The following MAGEB6B variants were observed in gnomAD, a reference collection of about 807,000 sequenced individuals.
MAGEB6B encodes melanoma-associated antigen B6B.
For synonymous variants in MAGEB6B, 107 were observed against 102.3 expected, an observed-to-expected ratio of 1.05 and a Z score of -0.27; for missense variants, 277 against 251.5, an observed-to-expected ratio of 1.10 and a Z score of -0.69.
exon 1 of MAGEB6B, chrX:26,160,768 T>C (rs1424101451): frequency 5.1e-6 from 3 of 588,865 alleles, no homozygotes; most frequent in Non-Finnish European, 9.2e-6. Flanking sequence ...GTAGGTCTTC[T>C]GGTTCCTCCG....
chrX:26,160,628 C>T (rs763403418), exon 1 of MAGEB6B: 6 of 569,199 alleles, frequency 1.1e-5, no homozygotes, highest in South Asian at 2.2e-5. Context: ...GAGTAAGCTC[C>T]GTGCCCGTGG....
At chrX:26,162,208 A>G (rs1330733515), downstream of MAGEB6B, among the ~76,000 whole-genome samples, 1 of 112,118 alleles carries the variant, frequency 8.9e-6, no homozygotes, top group African/African-American at 3.2e-5. Context: ...TATTTTCTTT[A>G]TAATTCAGAA....
chrX:26,161,167 C>G (rs1314068601), exon 1 of MAGEB6B: 1 of 772,576 alleles, frequency 1.3e-6, no homozygotes, highest in Non-Finnish European at 2.0e-6. Context: ...TCTTTACAAC[C>G]ACAGACGGAG....
At chrX:26,162,319 A>G (rs188712181), downstream of MAGEB6B, among the ~76,000 whole-genome samples, 461 of 112,393 alleles carry the variant, frequency 4.1e-3, 2 homozygotes, top group African/African-American at 0.015. Flanking sequence ...AAAAGGAAAA[A>G]CAGAAATGTA....
exon 1 of MAGEB6B, chrX:26,160,975 T>A (rs1295905681): frequency 1.2e-5 from 8 of 688,521 alleles, no homozygotes; most frequent in Non-Finnish European, 1.4e-5. Flanking sequence ...CAAAATCTGA[T>A]GAGGCTGCCA....
In MAGEB6B at chrX:26,161,482, G is replaced by C. The variant is rs1319528637; in HGVS notation, c.882G>C (p.Leu294Phe). ...GTCTCCTGATGTCGATCCTGGGTTT[G>C]ATCTTCATGAGAGGCAACCGTGCCA... The change falls in exon 1 of 1, where the codon TTG becomes TTC. Residue 294 changes from leucine to phenylalanine, a missense_variant. Leu to Phe is a conservative substitution (Grantham distance 22). Coordinates refer to ENST00000416929, the Ensembl canonical transcript of MAGEB6B. 13 of 1,189,937 alleles carry C rather than the reference G, an allele frequency of 1.1e-5. No individual in the cohort carries two copies. The East Asian group carries it at 1.5e-4, about 14-fold the overall frequency.
chrX:26,160,690 C>A (rs1318623715), exon 1 of MAGEB6B: 1 of 572,461 alleles, frequency 1.7e-6, no homozygotes, highest in Non-Finnish European at 3.2e-6. Context: ...GTCCCCAGGC[C>A]ACTGCAGAGA....
chrX:26,160,758 G>A (rs371284030), exon 1 of MAGEB6B: 26 of 580,508 alleles, frequency 4.5e-5, no homozygotes, highest in African/African-American at 3.6e-4. Context: ...GGTGCTCGTC[G>A]TAGGTCTTCT....
downstream of MAGEB6B, chrX:26,161,846 T>A (rs1227307484): frequency 1.7e-6 from 2 of 1,184,666 alleles, no homozygotes; most frequent in Non-Finnish European, 1.1e-6. Context: ...CACTGTTCCC[T>A]TGGCCAGGGC....
At chrX:26,161,136 G>T (rs752721948) in exon 1 of MAGEB6B, 1 of 889,282 alleles carries the variant, frequency 1.1e-6, no homozygotes, top group African/African-American at 2.0e-5. Context: ...GAAAGTTTAA[G>T]CTCCTCCAAG....
At chrX:26,160,935 T>C (rs1928679918) in exon 1 of MAGEB6B, 1 of 608,553 alleles carries the variant, frequency 1.6e-6, no homozygotes. Context: ...GCTTCACCCA[T>C]TGGCCCTCCT....
chrX:26,161,593 C>G (rs1928691555), exon 1 of MAGEB6B: 1 of 1,208,908 alleles, frequency 8.3e-7, no homozygotes, highest in South Asian at 1.8e-5. Context: ...CTCGGAAGAT[C>G]ATTACTGAAG....
At chrX:26,160,925 G>C (rs746402113) in exon 1 of MAGEB6B, 1 of 614,427 alleles carries the variant, frequency 1.6e-6, no homozygotes, top group Admixed American at 2.2e-5. Context: ...GTCTCAGGGA[G>C]CTTCACCCAT....
chrX:26,162,368 T>C (rs1928702851), downstream of MAGEB6B, among the ~76,000 whole-genome samples: 2 of 112,237 alleles, frequency 1.8e-5, no homozygotes, highest in South Asian at 7.4e-4. Flanking sequence ...TTCGTTTTCC[T>C]ATTTCTTTTC....
exon 1 of MAGEB6B, chrX:26,160,764 C>G: frequency 3.4e-6 from 2 of 586,454 alleles, no homozygotes; most frequent in South Asian, 4.4e-5. Flanking sequence ...CGTCGTAGGT[C>G]TTCTGGTTCC....
At chrX:26,161,662 C>T (rs1928692386) in exon 1 of MAGEB6B, 1 of 1,211,825 alleles carries the variant, frequency 8.3e-7, no homozygotes, top group African/African-American at 1.7e-5. Context: ...ATCCTCCATG[C>T]TATGAGTTCC....
chrX:26,161,042 T>A (rs1167199412), exon 1 of MAGEB6B: 1 of 1,080,193 alleles, frequency 9.3e-7, no homozygotes, highest in Non-Finnish European at 1.3e-6. Flanking sequence ...TCCTCAGGAG[T>A]CTCAGGGAGC....
exon 1 of MAGEB6B, chrX:26,161,460 T>C: frequency 8.7e-7 from 1 of 1,154,201 alleles, no homozygotes; most frequent in Non-Finnish European, 1.2e-6. Context: ...AAGTCGGGTC[T>C]CCTGATGTCG....
chrX:26,161,739 A>G (rs1370709552), exon 1 of MAGEB6B: 2 of 1,211,563 alleles, frequency 1.7e-6, no homozygotes, highest in Non-Finnish European at 1.1e-6. Flanking sequence ...GCCGAGATCA[A>G]TAACACCAGT....
Sources: allele counts gnomAD v4.1 joint callset (sites outside exome capture counted in the v4.1 genomes callset), GRCh38; gene constraint gnomAD v4.1.1; transcripts MANE v1.5; gene names NCBI Gene and HGNC (gene_info 2026-07-23, HGNC 2026-07-21).